Variants in TAFA5 observed in about 807,000 individuals in gnomAD.
The protein encoded by TAFA5 is TAFA chemokine like family member 5.
Under a neutral mutation model 15.3 loss-of-function variants are expected in TAFA5, and 6 were observed. That is an observed-to-expected ratio of 0.39 (90% CI 0.21 to 0.77). The LOEUF (loss-of-function observed/expected upper bound fraction) is 0.77, where lower values mean the gene tolerates loss of function less well. Ranked by LOEUF, TAFA5 falls within the 30% of genes least tolerant of loss-of-function variation. The probability of loss-of-function intolerance (pLI) is 0.41; values close to 1 mark genes in which losing one functional copy is unlikely to be tolerated. For missense variants in TAFA5, 161 were observed against 193.1 expected, an observed-to-expected ratio of 0.83 and a Z score of 0.98; for synonymous variants, 103 against 80.7, an observed-to-expected ratio of 1.28 and a Z score of -1.48.
At chr22:48,576,273 CT>C in intron 1 of TAFA5, 3 of 824,874 alleles carry the variant, frequency 3.6e-6, no homozygotes, top group South Asian at 6.1e-5. Flanking sequence ...CGGCGCCCCC[CT>C]CCCCCCGCCC....
chr22:48,561,255 C>A (rs889995430), intron 1 of TAFA5, among the ~76,000 whole-genome samples: 1 of 152,166 alleles, frequency 6.6e-6, no homozygotes, highest in Non-Finnish European at 1.5e-5. Context: ...CAAGGAAAGT[C>A]CTTTCTGCTT....
chr22:48,646,818 G>A lies in TAFA5; in HGVS notation c.262+72G>A, dbSNP rs117408268. The A allele has an allele frequency of 2.6e-3, 3,849 of 1,493,710 alleles. 42 individuals carry two copies. The highest frequency in any genetic ancestry group is 2.0e-3 in the Non-Finnish European group (2,188 of 1,121,866). The allele number at this position is 1,493,710 out of a possible 1,614,324, so 92.5% of individuals were successfully genotyped here. ...TCACCAAAGGTGCCTCTTCCCTGAC[G>A]CGGCCCCTTACCTGAAGGTCCCCCT... On this transcript the variant is annotated intron_variant, in intron 2 of 3. Transcript: ENST00000402357.
At chr22:48,602,745 C>T (rs1925020616) in intron 1 of TAFA5, among the ~76,000 whole-genome samples, 1 of 152,170 alleles carries the variant, frequency 6.6e-6, no homozygotes, top group Non-Finnish European at 1.5e-5. Flanking sequence ...GTGTCCGGGA[C>T]CTGCTGGTGT....
intron 2 of TAFA5, among the ~76,000 whole-genome samples, chr22:48,699,010 C>T (rs1405776605): frequency 6.7e-6 from 1 of 149,964 alleles, no homozygotes; most frequent in African/African-American, 2.5e-5. Flanking sequence ...GGCATGATCT[C>T]GGCTCACTGC....
chr22:48,680,056 C>T (rs569964457), intron 2 of TAFA5, among the ~76,000 whole-genome samples: 3 of 152,334 alleles, frequency 2.0e-5, no homozygotes, highest in East Asian at 1.9e-4. Flanking sequence ...CCGGTTCAAC[C>T]GGCACCCACC....
chr22:48,575,653 G>C (rs1057371820), intron 1 of TAFA5, among the ~76,000 whole-genome samples: 4 of 146,270 alleles, frequency 2.7e-5, no homozygotes, highest in African/African-American at 9.8e-5. Context: ...CAGCCCAGGG[G>C]CGCGGTGGGC....
chr22:48,502,434 T>G (rs939791205), intron 1 of TAFA5, among the ~76,000 whole-genome samples: 2 of 151,892 alleles, frequency 1.3e-5, no homozygotes, highest in African/African-American at 4.8e-5. Context: ...GTCTTAGGCT[T>G]TTGCAGCAGT....
At chr22:48,733,376 G>T (rs1929920010) in intron 3 of TAFA5, among the ~76,000 whole-genome samples, 1 of 152,198 alleles carries the variant, frequency 6.6e-6, no homozygotes, top group Admixed American at 6.5e-5. Flanking sequence ...CCAGCTCTGA[G>T]ATTTTGGGAC....
chr22:48,705,624 G>T (rs1190534241), intron 2 of TAFA5, among the ~76,000 whole-genome samples: 1 of 152,256 alleles, frequency 6.6e-6, no homozygotes, highest in Non-Finnish European at 1.5e-5. Context: ...AAAATGAAAT[G>T]CAAGGCCCTT....
chr22:48,739,833 G>C (rs1404546001), intron 3 of TAFA5, among the ~76,000 whole-genome samples: 1 of 152,142 alleles, frequency 6.6e-6, no homozygotes, highest in African/African-American at 2.4e-5. Flanking sequence ...GCGCCTCCCC[G>C]TGCATTTGCC....
At chr22:48,640,622 G>A (rs572142091) in intron 1 of TAFA5, among the ~76,000 whole-genome samples, 3 of 152,290 alleles carry the variant, frequency 2.0e-5, no homozygotes, top group South Asian at 4.1e-4. Context: ...GAGGCTGGGC[G>A]GGGGCTCCTA....
At position 48,607,587 on chromosome 22, in the gene TAFA5, G is replaced by T. The variant is rs113251182; in HGVS notation, c.113-39010G>T. Among the ~76,000 whole-genome samples the T allele has an allele frequency of 4.6e-4, 58 of 125,696 alleles. No individual in the cohort carries two copies. The Middle Eastern group carries it at 0.013, about 29-fold the overall frequency. 82.5% of individuals were successfully genotyped at this position (125,696 alleles called of 152,430 possible). The stretch of plus-strand genomic sequence containing the variant: ...CACCCATCCCAGGTACCTCAGCCTG[G>T]AGCAGATCTGTCCTGGGTTCTGATT... On this transcript the variant is annotated intron_variant, in intron 1 of 3. Transcript: ENST00000402357.
Position 48,692,928 on chromosome 22 carries a change from G to A in TAFA5, c.263-14789G>A, listed in dbSNP as rs74853738. 5.6e-3 allele frequency among the ~76,000 whole-genome samples: 859 copies of A among 152,330 alleles called. 23 individuals carry two copies. In the East Asian group the frequency reaches 0.077, roughly 14 times the overall value. On this transcript the variant is annotated intron_variant, in intron 2 of 3. Coordinates refer to ENST00000402357, the MANE Select transcript of TAFA5 (RefSeq NM_001082967.3). ...CAGGCCACCTCAGGGATGGGGCACC[G>A]TTGAGGCAGGAAGGGCATCGGCGGC...
intron 1 of TAFA5, among the ~76,000 whole-genome samples, chr22:48,497,465 C>T (rs959262478): frequency 3.3e-5 from 5 of 151,106 alleles, no homozygotes; most frequent in Admixed American, 1.3e-4. Context: ...GTCCAGTGGC[C>T]AGGGGTCATC....
chr22:48,745,690 G>A (rs1416752406), intron 3 of TAFA5, among the ~76,000 whole-genome samples: 1 of 152,234 alleles, frequency 6.6e-6, no homozygotes, highest in African/African-American at 2.4e-5. Flanking sequence ...CAGCAGCGGT[G>A]CCTCCTGTCA....
At chr22:48,576,461 G>A in intron 1 of TAFA5, 3 of 1,403,170 alleles carry the variant, frequency 2.1e-6, no homozygotes, top group Non-Finnish European at 2.8e-6. Context: ...CGGGGGCGTC[G>A]GCCGAGTTGG....
chr22:48,604,228 G>A (rs1203812185), intron 1 of TAFA5, among the ~76,000 whole-genome samples: 3 of 152,034 alleles, frequency 2.0e-5, no homozygotes, highest in African/African-American at 7.3e-5. Context: ...TGGACCGAGT[G>A]TTTACATCTC....
intron 1 of TAFA5, among the ~76,000 whole-genome samples, chr22:48,575,706 G>A (rs1923751497): frequency 6.9e-6 from 1 of 145,466 alleles, no homozygotes. Context: ...GCGGGCTGCT[G>A]GGAGCGCAGA....
intron 2 of TAFA5, among the ~76,000 whole-genome samples, chr22:48,662,547 G>C (rs537668065): frequency 6.6e-6 from 1 of 152,282 alleles, no homozygotes; most frequent in Admixed American, 6.5e-5. Flanking sequence ...GTGGAGGGCA[G>C]AGCTGAACCC....
Sources: gnomAD v4.1 joint callset for allele counts (sites outside exome capture counted in the v4.1 genomes callset) on GRCh38, gnomAD v4.1.1 for gene constraint, MANE v1.5 for transcripts, NCBI Gene and HGNC (gene_info 2026-07-23, HGNC 2026-07-21) for gene names.